The following ANK1 variants were observed in gnomAD, a reference collection of about 807,000 sequenced individuals.
The protein encoded by ANK1 is ankyrin-1.
ANK1 carries 51 observed loss-of-function variants against 210.4 expected under a neutral mutation model. The ratio of observed to expected loss-of-function variants is 0.24; its 90% CI spans 0.19 to 0.31. The LOEUF (loss-of-function observed/expected upper bound fraction) is 0.31. Among genes scored for constraint, ANK1 ranks in the 10% least tolerant of loss-of-function variants. The pLI is 1.00. For missense variants in ANK1, 2,051 were observed against 2,504.4 expected (o/e 0.82, Z 3.86); for synonymous variants, 967 against 1,025.9 (o/e 0.94, Z 1.10).
At chr8:41,750,917 T>A (rs1216717540) in intron 2 of ANK1, among the ~76,000 whole-genome samples, 1 of 152,130 alleles carries the variant, frequency 6.6e-6, no homozygotes, top group Non-Finnish European at 1.5e-5. Flanking sequence ...GAAGGCCAAA[T>A]GAACCAGCAA....
At chr8:41,731,211 C>G (rs1036226542) in intron 3 of ANK1, among the ~76,000 whole-genome samples, 2 of 152,244 alleles carry the variant, frequency 1.3e-5, no homozygotes, top group Non-Finnish European at 2.9e-5. Context: ...TCTATTTTCT[C>G]TGCCCCTCCC....
chr8:41,814,635 T>G (rs900983232), intron 1 of ANK1, among the ~76,000 whole-genome samples: 27 of 152,244 alleles, frequency 1.8e-4, no homozygotes, highest in African/African-American at 6.0e-4. Context: ...TAGCCATGGT[T>G]AAAGATCGGA....
At chr8:41,715,260 G>C (rs1276469487) in intron 14 of ANK1, among the ~76,000 whole-genome samples, 186 bp from the exon 15 acceptor site, 1 of 152,176 alleles carries the variant, frequency 6.6e-6, no homozygotes, top group South Asian at 2.1e-4. Context: ...CTGCACTTAC[G>C]GTCCACACTC....
intron 1 of ANK1, among the ~76,000 whole-genome samples, chr8:41,889,919 G>T (rs1819106654): frequency 6.6e-6 from 1 of 152,194 alleles, no homozygotes; most frequent in African/African-American, 2.4e-5. Flanking sequence ...TAAAAATCCT[G>T]TCCAAATAGA....
chr8:41,699,344 G>T, intron 23 of ANK1, 108 bp downstream of exon 23: 1 of 1,039,366 alleles, frequency 9.6e-7, no homozygotes. Flanking sequence ...TGCGGGCAGC[G>T]AGCCCAGCGC....
intron 1 of ANK1, among the ~76,000 whole-genome samples, chr8:41,842,004 G>C (rs1809009551): frequency 6.6e-6 from 1 of 152,208 alleles, no homozygotes; most frequent in African/African-American, 2.4e-5. Context: ...CACTTATCTG[G>C]ACAAGGATGA....
At chr8:41,822,435 T>A (rs953753950) in intron 1 of ANK1, among the ~76,000 whole-genome samples, 2 of 152,220 alleles carry the variant, frequency 1.3e-5, no homozygotes, top group African/African-American at 4.8e-5. Context: ...ACTTCATACT[T>A]CTATCAGTAA....
In ANK1 at chr8:41,872,727, C is replaced by A. The variant is rs558881820; in HGVS notation, c.126+23628G>T. Among the ~76,000 whole-genome samples, 116 of 152,282 alleles carry A rather than the reference C, an allele frequency of 7.6e-4. 3 individuals are homozygous for A. The South Asian group carries it at 0.019, about 25-fold the overall frequency. On this transcript the variant is annotated intron_variant, in intron 1 of 42. Transcript: ENST00000265709. ...TTTAAAACAAGCTAAGAGGAGATAC[C>A]TTCAGAAAGACTCAGTAACACCTTG...
intron 23 of ANK1, 125 bp downstream of exon 23, chr8:41,699,327 C>T: frequency 3.3e-6 from 3 of 903,890 alleles, no homozygotes; most frequent in Admixed American, 3.5e-5. Flanking sequence ...TGCAAACCGT[C>T]TCTCTCTGCG....
intron 2 of ANK1, among the ~76,000 whole-genome samples, chr8:41,738,715 T>C (rs1834003422): frequency 6.6e-6 from 1 of 152,232 alleles, no homozygotes; most frequent in African/African-American, 2.4e-5. Flanking sequence ...ATGTTTTACT[T>C]TAGCTAAATC....
Position 41,826,814 on chromosome 8 carries a change from G to A in ANK1, c.127-68677C>T, listed in dbSNP as rs536157950. Among the ~76,000 whole-genome samples, 7 of 151,756 alleles carry A rather than the reference G, an allele frequency of 4.6e-5. No individual in the cohort carries two copies. In the East Asian group the frequency reaches 5.8e-4, roughly 13 times the overall value. On this transcript the variant is annotated intron_variant, in intron 1 of 42. Transcript: ENST00000265709. ...CTTCATTTTTTTTTCTAGCCTTGTC[G>A]TAACAATAAACATTCTGCTCTTATC...
At position 41,723,238 on chromosome 8, in the gene ANK1, G is replaced by A; in HGVS notation, c.811-15C>T. 2 of 1,613,684 alleles carry A rather than the reference G, an allele frequency of 1.2e-6. No individual in the cohort carries two copies. The highest frequency in any genetic ancestry group is 8.5e-7 in the Non-Finnish European group (1 of 1,179,576). ...GTCAATTCGTCCTTTAAAAGACAGA[G>A]TCAAAAACAGAAAGCCCAAAAGGCA... On this transcript the variant is annotated splice_polypyrimidine_tract_variant and intron_variant, in intron 8 of 42. Coordinates refer to ENST00000289734, the MANE Select transcript of ANK1 (RefSeq NM_000037.4).
At position 41,803,085 on chromosome 8, in the gene ANK1, G is replaced by GAAGGAAAGGAAAGGA. The variant is rs199946467; in HGVS notation, c.127-44963_127-44949dup. ...AAAGGAAGGAAGGAAGGAAGGAAGG[G>GAAGGAAAGGAAAGGA]AAGGAAAGGAAAGGAAAGGAAAGGA... On this transcript the variant is annotated intron_variant, in intron 1 of 42. Coordinates refer to the ANK1 transcript ENST00000265709. 4.2e-3 allele frequency among the ~76,000 whole-genome samples: 253 copies of GAAGGAAAGGAAAGGA among 59,982 alleles called. 4 individuals carry two copies. The highest frequency in any genetic ancestry group is 0.017 in the Middle Eastern group (2 of 118). The allele number at this position is 59,982 out of a possible 152,430, so 39.4% of individuals were successfully genotyped here.
intron 1 of ANK1, among the ~76,000 whole-genome samples, chr8:41,763,881 C>CTTTTTTGTTTTTTTTTTTTTTTTTTTTTT (rs1841052618): frequency 1.4e-5 from 1 of 72,142 alleles, no homozygotes; most frequent in Non-Finnish European, 2.7e-5. Flanking sequence ...TTCTTTTTTT[C>CTTTTTTGTTTTTTTTTTTTTTTTTTTTTT]TTTTTTTCTT....
intron 1 of ANK1, chr8:41,896,230 G>C (rs1465517567): frequency 1.5e-6 from 2 of 1,310,608 alleles, no homozygotes; most frequent in African/African-American, 1.6e-5. Context: ...TTCCCCGCTC[G>C]GGTGCCGCCA....
chr8:41,847,733 G>A (rs1485567539), intron 1 of ANK1, among the ~76,000 whole-genome samples: 1 of 152,156 alleles, frequency 6.6e-6, no homozygotes, highest in Non-Finnish European at 1.5e-5. Flanking sequence ...TGGCCACCGT[G>A]CCTTTTATCC....
At chr8:41,888,323 G>A (rs558324171) in intron 1 of ANK1, among the ~76,000 whole-genome samples, 74 of 152,302 alleles carry the variant, frequency 4.9e-4, no homozygotes, top group Admixed American at 9.1e-4. Context: ...AGGTACACAC[G>A]TATACACACG....
At chr8:41,698,344 C>A (rs1821690784) in intron 23 of ANK1, among the ~76,000 whole-genome samples, 1 of 152,244 alleles carries the variant, frequency 6.6e-6, no homozygotes, top group South Asian at 2.1e-4. Context: ...TTGACAGAAT[C>A]CTCGCTCTGG....
Position 41,664,773 on chromosome 8 carries a change from C to T in ANK1, c.5395-1031G>A, listed in dbSNP as rs1285239341. 5 of 1,574,362 alleles carry T rather than the reference C, an allele frequency of 3.2e-6. No individual in the cohort carries two copies. In the East Asian group the frequency reaches 1.2e-4, roughly 37 times the overall value. ...GCCCCGGCCTCCGGCGCCCACACCA[C>T]CAGCCCTGCCGGCCTCCTGCCAGGC... On this transcript the variant is annotated intron_variant, in intron 39 of 42. Coordinates refer to ENST00000289734, the MANE Select transcript of ANK1 (RefSeq NM_000037.4).
Sources: gnomAD v4.1 joint callset for allele counts (sites outside exome capture counted in the v4.1 genomes callset) on GRCh38, gnomAD v4.1.1 for gene constraint, MANE v1.5 for transcripts, NCBI Gene and HGNC (gene_info 2026-07-23, HGNC 2026-07-21) for gene names.